The following PLEKHM3 variants were observed in gnomAD, a reference collection of about 807,000 sequenced individuals.
The protein encoded by PLEKHM3 is pleckstrin homology domain-containing family M member 3.
In PLEKHM3, 45 loss-of-function variants were observed where a neutral mutation model predicts 81.8. The ratio of observed to expected loss-of-function variants is 0.55; its 90% CI spans 0.43 to 0.71. PLEKHM3 has a LOEUF of 0.71. Among genes scored for constraint, PLEKHM3 ranks in the 30% least tolerant of loss-of-function variants. PLEKHM3 has a pLI of 0.00. For synonymous variants in PLEKHM3, 352 were observed against 356.4 expected (o/e 0.99, Z 0.14); for missense variants, 788 against 924.3 (o/e 0.85, Z 1.91).
chr2:208,025,020 G>C (rs1298743634), intron 1 of PLEKHM3, among the ~76,000 whole-genome samples: 1 of 152,150 alleles, frequency 6.6e-6, no homozygotes, highest in African/African-American at 2.4e-5. Flanking sequence ...AAGAACAATC[G>C]TTTTCTGGAA....
At chr2:207,846,563 A>C (rs981032902) in intron 7 of PLEKHM3, among the ~76,000 whole-genome samples, 6 of 152,006 alleles carry the variant, frequency 3.9e-5, no homozygotes, top group Non-Finnish European at 8.8e-5. Flanking sequence ...CTACAAAAAA[A>C]AATACAAAAA....
chr2:208,015,991 C>T (rs188756603), intron 1 of PLEKHM3, among the ~76,000 whole-genome samples: 1 of 151,880 alleles, frequency 6.6e-6, no homozygotes, highest in African/African-American at 2.4e-5. Context: ...GTGAGGAGTT[C>T]GAGACCAGCC....
At chr2:207,880,339 G>GA (rs1438611209) in intron 6 of PLEKHM3, among the ~76,000 whole-genome samples, 5 of 151,200 alleles carry the variant, frequency 3.3e-5, no homozygotes, top group Admixed American at 1.3e-4. Flanking sequence ...CCCAGGGGGC[G>GA]AAGGTTGCAG....
At chr2:207,959,761 T>C (rs902232509) in intron 3 of PLEKHM3, among the ~76,000 whole-genome samples, 5 of 152,238 alleles carry the variant, frequency 3.3e-5, no homozygotes, top group Admixed American at 3.3e-4. Flanking sequence ...TTTGATAAAA[T>C]TAAAGTCATA....
intron 1 of PLEKHM3, among the ~76,000 whole-genome samples, chr2:208,025,116 C>A (rs1247355465): frequency 6.6e-6 from 1 of 152,190 alleles, no homozygotes; most frequent in African/African-American, 2.4e-5. Flanking sequence ...TAATAACGCA[C>A]TCAACAAGAT....
At chr2:207,853,011 G>A (rs564273162) in intron 7 of PLEKHM3, among the ~76,000 whole-genome samples, 2 of 152,206 alleles carry the variant, frequency 1.3e-5, no homozygotes, top group South Asian at 4.1e-4. Flanking sequence ...CTCCTCCCAC[G>A]CTTTCATAGA....
chr2:207,978,343 A>G (rs1283968367), intron 2 of PLEKHM3, among the ~76,000 whole-genome samples: 1 of 142,948 alleles, frequency 7.0e-6, no homozygotes, highest in Non-Finnish European at 1.5e-5. Context: ...TGCGGTTTTT[A>G]CCATTACTTT....
intron 4 of PLEKHM3, among the ~76,000 whole-genome samples, chr2:207,936,768 T>C (rs1252761490): frequency 6.6e-6 from 1 of 152,032 alleles, no homozygotes; most frequent in African/African-American, 2.4e-5. Context: ...AAAAAGTTAT[T>C]CATTGAATTA....
chr2:207,865,815 T>A (rs865969529), intron 6 of PLEKHM3, among the ~76,000 whole-genome samples: 2,263 of 83,418 alleles, frequency 0.027, 216 homozygotes, highest in Middle Eastern at 0.035. Flanking sequence ...TATATATATA[T>A]ATATATATAT....
intron 5 of PLEKHM3, among the ~76,000 whole-genome samples, chr2:207,914,242 T>A (rs971565589): frequency 3.3e-5 from 5 of 151,692 alleles, no homozygotes; most frequent in African/African-American, 1.2e-4. Context: ...ACGCCTGTAA[T>A]CCCAGCACTT....
At chr2:207,869,292 G>A (rs953390255) in intron 6 of PLEKHM3, among the ~76,000 whole-genome samples, 21 of 152,058 alleles carry the variant, frequency 1.4e-4, no homozygotes, top group African/African-American at 5.1e-4. Flanking sequence ...TCCCTCAAAG[G>A]GCATGTCTAC....
At position 207,827,729 on chromosome 2, in the gene PLEKHM3, T is replaced by C. The variant is rs1301968800; in HGVS notation, c.*590A>G. The C allele has an allele frequency of 2.0e-5, 3 of 152,124 alleles. No homozygotes were observed. The allele number at this position is 152,124 out of a possible 1,614,324, so 9.4% of individuals were successfully genotyped here. A position where few individuals can be genotyped will look rare whatever the true frequency, so the allele number is the denominator to read the frequency against. On this transcript the variant is annotated 3_prime_UTR_variant, in exon 8 of 8. Transcript: ENST00000427836. ...GGGGCTTGGCTCCTGTTTCCAGCCA[T>C]CGGCTCTGCTTACGTGATTCCCCGC...
At chr2:208,008,530 C>T (rs920178373) in intron 1 of PLEKHM3, among the ~76,000 whole-genome samples, 7 of 104,168 alleles carry the variant, frequency 6.7e-5, no homozygotes, top group African/African-American at 2.9e-4. Context: ...AAAAAACAGA[C>T]AAAAAAAAAT....
intron 6 of PLEKHM3, among the ~76,000 whole-genome samples, chr2:207,872,500 A>C (rs1370520599): frequency 6.6e-6 from 1 of 152,210 alleles, no homozygotes; most frequent in Non-Finnish European, 1.5e-5. Context: ...TCATAAATTA[A>C]AGTTACACAA....
chr2:207,830,153 G>A (rs2092277158), intron 7 of PLEKHM3, among the ~76,000 whole-genome samples: 1 of 152,102 alleles, frequency 6.6e-6, no homozygotes, highest in South Asian at 2.1e-4. Context: ...GGCTCTCTGG[G>A]TCAAGTGAAA....
chr2:207,883,409 C>T (rs1180095836), intron 6 of PLEKHM3, among the ~76,000 whole-genome samples: 4 of 152,210 alleles, frequency 2.6e-5, no homozygotes, highest in Admixed American at 1.3e-4. Flanking sequence ...AACTGGTAAA[C>T]TGCATTAAAT....
chr2:207,883,486 T>C (rs1475790587), intron 6 of PLEKHM3, among the ~76,000 whole-genome samples: 1 of 152,232 alleles, frequency 6.6e-6, no homozygotes. Context: ...CTTAAATTAC[T>C]GGCAAAAGTG....
chr2:208,012,747 G>T (rs1692745055), intron 1 of PLEKHM3, among the ~76,000 whole-genome samples: 1 of 152,228 alleles, frequency 6.6e-6, no homozygotes, highest in African/African-American at 2.4e-5. Flanking sequence ...ATCTGCAAAT[G>T]GAAGTCCTGC....
At chr2:207,846,441 A>G (rs1279750399) in intron 7 of PLEKHM3, among the ~76,000 whole-genome samples, 1 of 151,966 alleles carries the variant, frequency 6.6e-6, no homozygotes, top group East Asian at 2.0e-4. Flanking sequence ...CGCCTGGCCC[A>G]GTGATCTTTT....
Sources: allele counts gnomAD v4.1 joint callset (sites outside exome capture counted in the v4.1 genomes callset), GRCh38; gene constraint gnomAD v4.1.1; transcripts MANE v1.5; gene names NCBI Gene and HGNC (gene_info 2026-07-23, HGNC 2026-07-21).